Variants in SLC4A10 observed in about 807,000 individuals in gnomAD.
SLC4A10 encodes the protein sodium-driven chloride bicarbonate exchanger.
In SLC4A10, 42 loss-of-function variants were observed where a neutral mutation model predicts 137.7. That is an observed-to-expected ratio of 0.30 (90% CI 0.24 to 0.39). SLC4A10 has a LOEUF of 0.39. Ranked by LOEUF, SLC4A10 falls within the 10% of genes least tolerant of loss-of-function variation. The pLI, the probability that SLC4A10 is intolerant of heterozygous loss-of-function variation, is 1.00. For missense variants in SLC4A10, 925 were observed against 1,355.0 expected (o/e 0.68, Z 4.98); for synonymous variants, 474 against 464.1 (o/e 1.02, Z -0.27).
chr2:161,697,614 G>A (rs148456061), intron 1 of SLC4A10, among the ~76,000 whole-genome samples: 549 of 152,314 alleles, frequency 3.6e-3, no homozygotes, highest in African/African-American at 0.012. Flanking sequence ...TCAGATGGCT[G>A]TAGATGTGTG....
intron 1 of SLC4A10, among the ~76,000 whole-genome samples, chr2:161,674,913 A>G (rs891693486): frequency 2.0e-5 from 3 of 152,230 alleles, no homozygotes; most frequent in African/African-American, 7.2e-5. Flanking sequence ...GGCATTAAAA[A>G]TAAAGCCAAA....
At chr2:161,687,009 A>G (rs543852128) in intron 1 of SLC4A10, among the ~76,000 whole-genome samples, 1 of 151,418 alleles carries the variant, frequency 6.6e-6, no homozygotes, top group East Asian at 1.9e-4. Context: ...CAGCCTCCCG[A>G]GTAGCTGGAC....
intron 1 of SLC4A10, among the ~76,000 whole-genome samples, chr2:161,685,799 G>A (rs570905181): frequency 6.6e-6 from 1 of 152,178 alleles, no homozygotes; most frequent in African/African-American, 2.4e-5. Flanking sequence ...ATTCCTGATA[G>A]CTGTATCATC....
chr2:161,945,182 G>GTATATA (rs56159201), intron 16 of SLC4A10, among the ~76,000 whole-genome samples: 34 of 88,842 alleles, frequency 3.8e-4, no homozygotes, highest in Non-Finnish European at 5.1e-4. Context: ...AAGTTTGTGT[G>GTATATA]TATATATATA....
intron 1 of SLC4A10, chr2:161,710,734 A>G (rs749658644): frequency 2.2e-6 from 1 of 454,936 alleles, no homozygotes; most frequent in South Asian, 1.6e-5. Context: ...TTCATTATAC[A>G]TCATAAAGGT....
intron 15 of SLC4A10, among the ~76,000 whole-genome samples, chr2:161,908,649 G>A (rs1685065805): frequency 6.6e-6 from 1 of 151,566 alleles, no homozygotes; most frequent in East Asian, 1.9e-4. Context: ...AGAATGGGAA[G>A]CCAGTTTGCA....
intron 4 of SLC4A10, among the ~76,000 whole-genome samples, chr2:161,848,759 T>C (rs2059645615): frequency 6.6e-6 from 1 of 152,176 alleles, no homozygotes; most frequent in African/African-American, 2.4e-5. Flanking sequence ...TTTATACTGA[T>C]ACCATGCTGT....
At chr2:161,869,729 A>C (rs1290643035) in intron 6 of SLC4A10, among the ~76,000 whole-genome samples, 1 of 151,650 alleles carries the variant, frequency 6.6e-6, no homozygotes, top group East Asian at 1.9e-4. Flanking sequence ...ATAGACAAGA[A>C]ATAACAAGAT....
intron 15 of SLC4A10, among the ~76,000 whole-genome samples, chr2:161,911,676 G>A (rs929305869): frequency 6.6e-6 from 1 of 151,890 alleles, no homozygotes; most frequent in Non-Finnish European, 1.5e-5. Flanking sequence ...CTTCATAATG[G>A]TAAATCATGG....
At chr2:161,898,022 G>A (rs988992944) in intron 11 of SLC4A10, among the ~76,000 whole-genome samples, 2 of 152,010 alleles carry the variant, frequency 1.3e-5, no homozygotes, top group African/African-American at 2.4e-5. Context: ...CTTTAAAATC[G>A]AATTAATTAT....
At chr2:161,754,819 A>G (rs939570370) in intron 1 of SLC4A10, among the ~76,000 whole-genome samples, 2 of 152,166 alleles carry the variant, frequency 1.3e-5, no homozygotes, top group African/African-American at 4.8e-5. Context: ...TATCTATTAA[A>G]AGAGCTTTTA....
chr2:161,701,289 AT>A (rs1444042852), intron 1 of SLC4A10, among the ~76,000 whole-genome samples: 38 of 151,984 alleles, frequency 2.5e-4, no homozygotes, highest in Admixed American at 7.9e-4. Context: ...CAATCTATTT[AT>A]TTATGATCTG....
At chr2:161,886,454 A>T (rs2062294610) in intron 10 of SLC4A10, among the ~76,000 whole-genome samples, 1 of 152,168 alleles carries the variant, frequency 6.6e-6, no homozygotes, top group Non-Finnish European at 1.5e-5. Flanking sequence ...TCTCTACTAG[A>T]TCCTGAATAT....
chr2:161,722,199 C>A (rs2045756806), intron 1 of SLC4A10, among the ~76,000 whole-genome samples: 1 of 152,172 alleles, frequency 6.6e-6, no homozygotes, highest in South Asian at 2.1e-4. Flanking sequence ...TCCATCTCAC[C>A]CTCAGCCCGG....
chr2:161,954,993 G>T (rs1695403131), intron 19 of SLC4A10, among the ~76,000 whole-genome samples: 1 of 152,062 alleles, frequency 6.6e-6, no homozygotes, highest in African/African-American at 2.4e-5. Context: ...GACTCTCAAG[G>T]CCCCCTGTCT....
At chr2:161,856,607 T>G (rs1437694962) in intron 5 of SLC4A10, among the ~76,000 whole-genome samples, 2 of 152,032 alleles carry the variant, frequency 1.3e-5, no homozygotes, top group African/African-American at 2.4e-5. Context: ...ATAAGCAAAC[T>G]CCCTAAGAAT....
At chr2:161,765,808 G>A (rs62189051) in intron 1 of SLC4A10, among the ~76,000 whole-genome samples, 12,365 of 152,064 alleles carry the variant, frequency 0.081, 641 homozygotes, top group East Asian at 0.14. Context: ...AAAATGAAAT[G>A]AAAATTTATC....
At position 161,656,324 on chromosome 2, in the gene SLC4A10, C is replaced by T. The variant is rs116096827; in HGVS notation, c.48+31758C>T. Among the ~76,000 whole-genome samples the T allele has an allele frequency of 9.0e-3, 1,363 of 152,216 alleles. 20 individuals are homozygous for T. Among genetic ancestry groups the T allele is most frequent in the African/African-American group, 0.032 (1,313 of 41,534 alleles). On this transcript the variant is annotated intron_variant, in intron 1 of 26. Coordinates refer to ENST00000446997, the MANE Select transcript of SLC4A10 (RefSeq NM_001178015.2). The stretch of plus-strand genomic sequence containing the variant: ...CTCAGGATTCTTTTGTATTTTGAGA[C>T]ATCTTTCTTAAGCTGTTTCAACATA...
At position 161,879,161 on chromosome 2, in the gene SLC4A10, C is replaced by T. The variant is rs2061603947; in HGVS notation, c.979C>T (p.Pro327Ser). Residue 327 changes from proline (P) to serine (S), a missense_variant, in exon 9 of 27, where the codon CCA becomes TCA. Coordinates refer to ENST00000446997, the MANE Select transcript of SLC4A10 (RefSeq NM_001178015.2). ...VDLHFMKKIP[P>S]GAEASNILVG... The stretch of plus-strand genomic sequence containing the variant: ...TCTGCATTTTATGAAAAAGATTCCT[C>T]CAGGTGCTGAAGCATCGAACATCTT... 1.2e-6 allele frequency: 2 copies of T among 1,613,276 alleles called. No homozygotes were observed. The highest frequency in any genetic ancestry group is 1.7e-6 in the Non-Finnish European group (2 of 1,179,456).
Sources: allele counts gnomAD v4.1 joint callset (sites outside exome capture counted in the v4.1 genomes callset), GRCh38; gene constraint gnomAD v4.1.1; transcripts MANE v1.5; gene names NCBI Gene and HGNC (gene_info 2026-07-23, HGNC 2026-07-21).